Variants in ZNF133 observed in about 807,000 individuals in gnomAD.
ZNF133 encodes zinc finger protein 133.
In ZNF133, 26 loss-of-function variants were observed where a neutral mutation model predicts 54.9. The ratio of observed to expected loss-of-function variants is 0.47; its 90% CI spans 0.35 to 0.66. The LOEUF (loss-of-function observed/expected upper bound fraction) is 0.66. Ranked by LOEUF, ZNF133 falls within the 30% of genes least tolerant of loss-of-function variation. The probability of loss-of-function intolerance (pLI) is 0.01; values close to 1 mark genes in which losing one functional copy is unlikely to be tolerated. For synonymous variants in ZNF133, 298 were observed against 320.3 expected (o/e 0.93, Z 0.74); for missense variants, 653 against 820.8 (o/e 0.80, Z 2.50).
chr20:18,293,711 C>G (rs1235257462), intron 1 of ZNF133, among the ~76,000 whole-genome samples: 3 of 149,884 alleles, frequency 2.0e-5, no homozygotes, highest in Non-Finnish European at 4.5e-5. Flanking sequence ...CAGAACAGCT[C>G]TGACAGAGGA....
chr20:18,305,540 A>G lies in ZNF133; in HGVS notation c.-6-141A>G. 1 of 1,227,810 alleles carries G rather than the reference A, an allele frequency of 8.1e-7. No homozygotes were observed. Among genetic ancestry groups the G allele is most frequent in the Non-Finnish European group, 1.1e-6 (1 of 881,026 alleles). 76.1% of individuals were successfully genotyped at this position (1,227,810 alleles called of 1,614,324 possible). ...TGGCTGGATTGAGACAGGGATTTAAAAGTCTTGGAACACATGGCACCAGGG... is the reference window on the plus strand; with the variant it reads ...TGGCTGGATTGAGACAGGGATTTAAGAGTCTTGGAACACATGGCACCAGGG... On this transcript the variant is annotated intron_variant, in intron 4 of 6. Transcript: ENST00000425686. The surrounding 1 kb of genome is among the most constrained non-coding windows in gnomAD (Gnocchi z 4.7).
rs1339479894 is a variant in ZNF133 at position 18,303,918 on chromosome 20, A to T, written c.-177-1090A>T. On this transcript the variant is annotated intron_variant, in intron 3 of 6. Coordinates refer to ENST00000425686, the MANE Select transcript of ZNF133 (RefSeq NM_001352452.2). ...TTGGAAATGACACCAAAACATAGGC[A>T]ATAAAAGAAAAGAATAGTGAACTTG... is the stretch of plus-strand genomic sequence containing the variant. Among the ~76,000 whole-genome samples, 4 of 152,228 alleles carry T rather than the reference A, an allele frequency of 2.6e-5. No individual in the cohort carries two copies. The South Asian group carries it at 8.3e-4, about 31-fold the overall frequency.
rs769622084 is a variant in ZNF133, at chr20:18,305,832, C to G, written c.121+25C>G. On this transcript the variant is annotated intron_variant, in intron 5 of 6. Transcript: ENST00000425686. The surrounding 1 kb of genome is among the most constrained non-coding windows in gnomAD (Gnocchi z 4.7). ...GGTAAGCCTGATATCTGTTAGGATT[C>G]CCATTCTTATTGCTGGGAATTTTAG... The G allele has an allele frequency of 6.3e-7, 1 of 1,583,078 alleles. No individual in the cohort carries two copies.
At position 18,305,107 on chromosome 20, in the gene ZNF133, C is replaced by G. The variant is rs1263747953; in HGVS notation, c.-78C>G. 3 of 985,352 alleles carry G rather than the reference C, an allele frequency of 3.0e-6. No homozygotes were observed. Among genetic ancestry groups the G allele is most frequent in the Middle Eastern group, 5.2e-4 (1 of 1,940 alleles). 61.0% of individuals were successfully genotyped at this position (985,352 alleles called of 1,614,324 possible). ...AAAGATGAATTTTTGGACTGAGTGG[C>G]CAAGAAGCTCCATGGTGAGCACTCA... On this transcript the variant is annotated 5_prime_UTR_variant, in exon 4 of 7. Transcript: ENST00000425686. This position sits in a 1 kb window ranked among gnomAD's most constrained non-coding sequence, Gnocchi z 4.7.
intron 3 of ZNF133, among the ~76,000 whole-genome samples, chr20:18,303,975 CA>C (rs1192763078): frequency 1.3e-5 from 2 of 152,032 alleles, no homozygotes; most frequent in Non-Finnish European, 2.9e-5. Flanking sequence ...TTTCATTCAT[CA>C]AAGGAAGGGA....
chr20:18,297,939 G>C (rs188056116), intron 1 of ZNF133, 46 bp from the exon 2 acceptor site: 1 of 1,303,304 alleles, frequency 7.7e-7, no homozygotes, highest in East Asian at 2.5e-5. Flanking sequence ...CTCATGGGGA[G>C]AGCATTTCTA....
chr20:18,310,629 T>C (rs2045684040), intron 6 of ZNF133, among the ~76,000 whole-genome samples: 1 of 152,034 alleles, frequency 6.6e-6, no homozygotes, highest in Admixed American at 6.6e-5. Context: ...ATGGGGGTGG[T>C]TGGGGAAGAT....
intron 2 of ZNF133, 67 bp from the exon 3 acceptor site, chr20:18,298,222 T>C: frequency 6.7e-7 from 1 of 1,486,774 alleles, no homozygotes. Context: ...GACACAGTTA[T>C]TCACCTAGTA....
At position 18,316,418 on chromosome 20, in the gene ZNF133, G is replaced by A; in HGVS notation, c.1567G>A (p.Val523Met). ...QRTHSGERPY[V>M]CRECGRGFSH... ...GACGCACTCAGGGGAGAGGCCGTATGTGTGCCGAGAGTGCGGGCGAGGCTT... is the reference window on the plus strand; with the variant it reads ...GACGCACTCAGGGGAGAGGCCGTATATGTGCCGAGAGTGCGGGCGAGGCTT... The change falls in exon 7 of 7, where the codon GTG (valine) becomes ATG (methionine). Residue 523 changes from valine to methionine, a missense_variant. By Grantham distance (21) the Val-to-Met change is conservative. Transcript: ENST00000425686. The A allele has an allele frequency of 6.2e-7, 1 of 1,614,022 alleles. No homozygotes were observed. Among genetic ancestry groups the A allele is most frequent in the Non-Finnish European group, 8.5e-7 (1 of 1,179,942 alleles).
Position 18,311,010 on chromosome 20 carries a change from G to T in ZNF133, c.218-4059G>T, listed in dbSNP as rs143506781. Among the ~76,000 whole-genome samples the T allele has an allele frequency of 4.3e-3, 651 of 152,256 alleles. 7 individuals are homozygous for T. The highest frequency in any genetic ancestry group is 0.015 in the African/African-American group (614 of 41,524). On this transcript the variant is annotated intron_variant, in intron 6 of 6. Coordinates refer to ENST00000425686, the MANE Select transcript of ZNF133 (RefSeq NM_001352452.2). ...AAGAAGCCTGGTAAGAGGTAACACA[G>T]AAGCCTAAGAATGAGAACTAAAGCC...
chr20:18,310,661 TAGAA>T (rs775409250), intron 6 of ZNF133, among the ~76,000 whole-genome samples: 1 of 152,150 alleles, frequency 6.6e-6, no homozygotes, highest in South Asian at 2.1e-4. Flanking sequence ...GATTTTCACA[TAGAA>T]AGAATAAGTT....
In ZNF133 at chr20:18,305,754, G is replaced by A. The variant is rs937850710; in HGVS notation, c.68G>A (p.Arg23Lys). Reference sequence around the variant, plus strand: ...TGGAGGCTGCTGAGCCCTGCTCAAAGGACTCTGTACAGAGAGGTGATGCTG... The same window carrying A: ...TGGAGGCTGCTGAGCCCTGCTCAAAAGACTCTGTACAGAGAGGTGATGCTG... ...DEWRLLSPAQ[R>K]TLYREVMLEN... Residue 23 changes from arginine (R) to lysine (K), a missense_variant, in exon 5 of 7, where the codon AGG (arginine) becomes AAG (lysine). Around this residue, in one of 4 missense-constraint regions of ZNF133, gnomAD observed 227 missense variants for 233.9 expected, o/e 0.97. Transcript: ENST00000425686. This position sits in a 1 kb window ranked among gnomAD's most constrained non-coding sequence, Gnocchi z 4.7. The A allele has an allele frequency of 1.2e-6, 2 of 1,614,062 alleles. No individual in the cohort carries two copies. Among genetic ancestry groups the A allele is most frequent in the African/African-American group, 2.7e-5 (2 of 74,932 alleles).
intron 6 of ZNF133, among the ~76,000 whole-genome samples, chr20:18,311,531 T>A (rs1357049072): frequency 6.6e-6 from 1 of 152,220 alleles, no homozygotes; most frequent in Non-Finnish European, 1.5e-5. Context: ...TAATTGTACA[T>A]GTTTTTAAGC....
intron 6 of ZNF133, among the ~76,000 whole-genome samples, chr20:18,308,281 TCTC>T (rs2045110289): frequency 6.6e-6 from 1 of 152,180 alleles, no homozygotes; most frequent in East Asian, 1.9e-4. Flanking sequence ...TAAGAAATTT[TCTC>T]CTCTTGTTTT....
intron 6 of ZNF133, among the ~76,000 whole-genome samples, chr20:18,311,539 A>G (rs1285854329): frequency 1.3e-5 from 2 of 152,172 alleles, no homozygotes; most frequent in Non-Finnish European, 2.9e-5. Context: ...CATGTTTTTA[A>G]GCATATATAG....
At chr20:18,310,081 A>C (rs1268511641) in intron 6 of ZNF133, 1 of 1,171,616 alleles carries the variant, frequency 8.5e-7, no homozygotes, top group African/African-American at 1.6e-5. Context: ...CAAAACATTT[A>C]TATTAATAAC....
In ZNF133 at chr20:18,316,566, A is replaced by G. The variant is rs1219042851; in HGVS notation, c.1715A>G (p.His572Arg). 2 of 1,613,924 alleles carry G rather than the reference A, an allele frequency of 1.2e-6. No individual in the cohort carries two copies. Among genetic ancestry groups the G allele is most frequent in the African/African-American group, 2.7e-5 (2 of 74,916 alleles). Residue 572 changes from histidine to arginine, a missense_variant, in exon 7 of 7, where the codon CAC (histidine) becomes CGC (arginine). Coordinates refer to ENST00000425686, the MANE Select transcript of ZNF133 (RefSeq NM_001352452.2). Reference protein sequence around the residue: ...KSALITHKRAHSEEKPCVCRE... With the variant: ...KSALITHKRARSEEKPCVCRE... ...GCTCTAATTACACACAAGCGGGCTC[A>G]CTCGGAAGAGAAGCCTTGTGTGTGC... is the stretch of plus-strand genomic sequence containing the variant.
chr20:18,314,418 A>G (rs1332638150), intron 6 of ZNF133: 1 of 152,204 alleles, frequency 6.6e-6, no homozygotes, highest in Non-Finnish European at 1.5e-5. Context: ...GGGTACCAGG[A>G]GGGAGCATCC....
intron 6 of ZNF133, chr20:18,313,222 T>C (rs2147825889): frequency 6.6e-6 from 1 of 152,336 alleles, no homozygotes; most frequent in Middle Eastern, 3.4e-3. Context: ...GGTGACCAAC[T>C]GAAAAAACTG....
Sources: allele counts gnomAD v4.1 joint callset (sites outside exome capture counted in the v4.1 genomes callset), GRCh38; gene constraint gnomAD v4.1.1; regional missense constraint gnomAD v4.1.1; non-coding constraint Gnocchi (gnomAD v3.1); transcripts MANE v1.5; gene names NCBI Gene and HGNC (gene_info 2026-07-23, HGNC 2026-07-21).